The following CSMD1 variants were observed in gnomAD, a reference collection of about 807,000 sequenced individuals.
The protein encoded by CSMD1 is CUB and Sushi multiple domains 1, also known as CUB and sushi domain-containing protein 1.
CSMD1 carries 213 observed loss-of-function variants against 417.5 expected under a neutral mutation model. That is an observed-to-expected ratio of 0.51 (90% CI 0.46 to 0.57). CSMD1 has a LOEUF of 0.57. CSMD1 is among the 20% of genes least tolerant of loss of function. The pLI, the probability that CSMD1 is intolerant of heterozygous loss-of-function variation, is 0.00. For missense variants in CSMD1, 6,923 were observed against 4,529.7 expected, an observed-to-expected ratio of 1.53 and a Z score of -15.17; for synonymous variants, 2,862 against 1,736.8, an observed-to-expected ratio of 1.65 and a Z score of -16.11.
intron 3 of CSMD1, among the ~76,000 whole-genome samples, chr8:4,209,634 G>T (rs574875737): frequency 6.6e-6 from 1 of 152,250 alleles, no homozygotes; most frequent in East Asian, 1.9e-4. Flanking sequence ...CCGAATTGGG[G>T]CTTAGCCTGG....
chr8:4,449,480 T>C (rs1799003553), intron 2 of CSMD1, among the ~76,000 whole-genome samples: 1 of 152,212 alleles, frequency 6.6e-6, no homozygotes, highest in Admixed American at 6.5e-5. Flanking sequence ...ACCATCATCC[T>C]TCAGTGTAAT....
intron 5 of CSMD1, among the ~76,000 whole-genome samples, chr8:3,816,413 T>C (rs1801368178): frequency 1.3e-5 from 2 of 152,330 alleles, no homozygotes; most frequent in South Asian, 4.1e-4. Flanking sequence ...CACATTCACA[T>C]AACTTTTATT....
chr8:4,426,173 C>T (rs1780853271), intron 2 of CSMD1, among the ~76,000 whole-genome samples: 1 of 151,470 alleles, frequency 6.6e-6, no homozygotes. Context: ...GCTAGGTAAT[C>T]AGGAAATAGA....
chr8:3,154,405 C>A (rs1261692088), intron 39 of CSMD1, among the ~76,000 whole-genome samples: 1 of 152,154 alleles, frequency 6.6e-6, no homozygotes, highest in Non-Finnish European at 1.5e-5. Flanking sequence ...CAGACCCTTT[C>A]TTATAGGTAA....
At chr8:4,676,202 G>A (rs1029729052) in intron 1 of CSMD1, among the ~76,000 whole-genome samples, 2 of 152,150 alleles carry the variant, frequency 1.3e-5, no homozygotes, top group African/African-American at 4.8e-5. Flanking sequence ...GCATTGAATA[G>A]TTTTGTGGTA....
chr8:3,859,700 T>G (rs376398981), intron 5 of CSMD1, among the ~76,000 whole-genome samples: 3 of 152,108 alleles, frequency 2.0e-5, no homozygotes, highest in East Asian at 3.9e-4. Flanking sequence ...GCCTACATAG[T>G]GAAGCCTCAG....
At chr8:4,629,056 TGA>T (rs752813324) in intron 2 of CSMD1, among the ~76,000 whole-genome samples, 32 of 152,168 alleles carry the variant, frequency 2.1e-4, no homozygotes, top group Non-Finnish European at 4.1e-4. Flanking sequence ...ACTTAACTAG[TGA>T]GAGTTATTGA....
intron 5 of CSMD1, among the ~76,000 whole-genome samples, chr8:3,986,945 G>A: frequency 6.6e-6 from 1 of 152,146 alleles, no homozygotes; most frequent in East Asian, 1.9e-4. Flanking sequence ...AGTATACAGG[G>A]CGTTTCACCA....
chr8:4,836,942 G>A (rs1800530310), intron 1 of CSMD1, among the ~76,000 whole-genome samples: 1 of 152,082 alleles, frequency 6.6e-6, no homozygotes, highest in Non-Finnish European at 1.5e-5. Context: ...AACCTCCATG[G>A]CTGTTGAAAG....
chr8:3,695,012 G>A lies in CSMD1; in HGVS notation c.1009+13402C>T, dbSNP rs866418062. ...TTTAAAGATGATTAGGACATTAGAC[G>A]AAGACATGAAAGGGAATTTGGAAGA... On this transcript the variant is annotated intron_variant, in intron 7 of 69. Transcript: ENST00000635120. 5.3e-5 allele frequency among the ~76,000 whole-genome samples: 8 copies of A among 151,688 alleles called. No individual in the cohort carries two copies. In the Middle Eastern group the frequency reaches 0.017, roughly 325 times the overall value.
chr8:3,436,293 A>G (rs1164412530), intron 12 of CSMD1, among the ~76,000 whole-genome samples: 2 of 152,248 alleles, frequency 1.3e-5, no homozygotes, highest in Non-Finnish European at 2.9e-5. Context: ...ATCCCATATC[A>G]GAGGTACAAA....
At chr8:4,671,257 G>C (rs1230400736) in intron 1 of CSMD1, among the ~76,000 whole-genome samples, 1 of 152,038 alleles carries the variant, frequency 6.6e-6, no homozygotes, top group Non-Finnish European at 1.5e-5. Flanking sequence ...ATAATTTCTT[G>C]GTGACTATTA....
chr8:3,887,524 T>A (rs1282788320), intron 5 of CSMD1, among the ~76,000 whole-genome samples: 1 of 152,220 alleles, frequency 6.6e-6, no homozygotes, highest in Non-Finnish European at 1.5e-5. Context: ...TTTGTAAACA[T>A]GAATGTCCAG....
At chr8:3,292,037 C>A (rs543115122) in intron 25 of CSMD1, among the ~76,000 whole-genome samples, 7 of 152,004 alleles carry the variant, frequency 4.6e-5, no homozygotes, top group African/African-American at 1.7e-4. Context: ...TCTTTGTTCT[C>A]GTTGGTTTCA....
At position 3,513,127 on chromosome 8, in the gene CSMD1, A is replaced by AT. The variant is rs528568087; in HGVS notation, c.1345-19402dup. Among the ~76,000 whole-genome samples the AT allele has an allele frequency of 2.3e-4, 34 of 150,988 alleles. No individual in the cohort carries two copies. The South Asian group carries it at 5.0e-3, about 22-fold the overall frequency. On this transcript the variant is annotated intron_variant, in intron 10 of 69. Transcript: ENST00000635120. The stretch of plus-strand genomic sequence containing the variant: ...GTGAATGCATTGAATTATTATTATT[A>AT]TTTTTTTTTATATGCCTTTATGGAT...
In CSMD1 at chr8:4,909,217, G is replaced by A. The variant is rs989397529; in HGVS notation, c.85+85115C>T. ...GCAGGAGGCCTGTTGCTGTGGTAGT[G>A]AGGGATGGTAGAGTGTTTTATAACC... On this transcript the variant is annotated intron_variant, in intron 1 of 69. Transcript: ENST00000635120. Among the ~76,000 whole-genome samples the A allele has an allele frequency of 2.0e-5, 3 of 152,184 alleles. No individual in the cohort carries two copies. In the South Asian group the frequency reaches 6.2e-4, roughly 32 times the overall value.
chr8:3,234,061 T>C (rs1585736247), intron 26 of CSMD1, among the ~76,000 whole-genome samples: 1 of 152,160 alleles, frequency 6.6e-6, no homozygotes, highest in Admixed American at 6.5e-5. Context: ...GGGTCTCCTA[T>C]GATATTTTCA....
Position 3,575,117 on chromosome 8 carries a change from G to C in CSMD1, c.1223-51C>G, listed in dbSNP as rs139087503. On this transcript the variant is annotated intron_variant, in intron 9 of 69. Transcript: ENST00000635120. The stretch of plus-strand genomic sequence containing the variant: ...TTTTCTACAACATTGTGTCAGTTTG[G>C]TAAAGACATAACATTTATGGGAAAT... The C allele has an allele frequency of 2.5e-6, 4 of 1,578,230 alleles. No individual in the cohort carries two copies. The East Asian group carries it at 6.8e-5, about 27-fold the overall frequency.
chr8:3,706,249 T>C (rs1168921928), intron 7 of CSMD1, among the ~76,000 whole-genome samples: 1 of 152,352 alleles, frequency 6.6e-6, no homozygotes, highest in African/African-American at 2.4e-5. Context: ...ATGGAAAGGA[T>C]TACTATTTTA....
Sources: gnomAD v4.1 joint callset for allele counts (sites outside exome capture counted in the v4.1 genomes callset) on GRCh38, gnomAD v4.1.1 for gene constraint, MANE v1.5 for transcripts, NCBI Gene and HGNC (gene_info 2026-07-23, HGNC 2026-07-21) for gene names.